The following RBFOX1 variants were observed in gnomAD, a reference collection of about 807,000 sequenced individuals.
The protein encoded by RBFOX1 is RNA binding fox-1 homolog 1.
RBFOX1 carries 8 observed loss-of-function variants against 57.7 expected under a neutral mutation model. The ratio of observed to expected loss-of-function variants is 0.14; its 90% CI spans 0.08 to 0.25. The LOEUF (loss-of-function observed/expected upper bound fraction) is 0.25. Ranked by LOEUF, RBFOX1 falls within the 10% of genes least tolerant of loss-of-function variation. The probability of loss-of-function intolerance (pLI) is 1.00; values close to 1 mark genes in which losing one functional copy is unlikely to be tolerated. For missense variants in RBFOX1, 611 were observed against 548.5 expected (o/e 1.11, Z -1.14); for synonymous variants, 326 against 222.4 (o/e 1.47, Z -4.15).
At chr16:6,811,719 A>T (rs1448520732) in intron 3 of RBFOX1, among the ~76,000 whole-genome samples, 2 of 152,054 alleles carry the variant, frequency 1.3e-5, no homozygotes, top group South Asian at 2.1e-4. Flanking sequence ...GTGAAATCCC[A>T]TCTCTTCAAA....
chr16:6,758,714 T>C (rs1421154447), intron 3 of RBFOX1, among the ~76,000 whole-genome samples: 1 of 152,204 alleles, frequency 6.6e-6, no homozygotes, highest in Non-Finnish European at 1.5e-5. Context: ...AAATACATTT[T>C]ACATTAAATG....
At chr16:7,014,061 T>C (rs551932684) in intron 3 of RBFOX1, among the ~76,000 whole-genome samples, 127 of 152,328 alleles carry the variant, frequency 8.3e-4, no homozygotes, top group Non-Finnish European at 1.7e-3. Context: ...ATTCACTCAG[T>C]ATATTAAAAA....
chr16:5,540,686 G>A (rs989931714), intron 2 of RBFOX1, among the ~76,000 whole-genome samples: 1 of 152,064 alleles, frequency 6.6e-6, no homozygotes, highest in Admixed American at 6.6e-5. Flanking sequence ...CGAATCTCTG[G>A]CACTGACATC....
intron 4 of RBFOX1, chr16:7,510,411 C>G (rs1004143423): frequency 2.2e-6 from 2 of 903,540 alleles, no homozygotes; most frequent in Non-Finnish European, 2.6e-6. Context: ...GTCGGTGACA[C>G]GTAGCTTGCT....
In RBFOX1 at chr16:6,899,025, G is replaced by A. The variant is rs1056036729; in HGVS notation, c.-15-153032G>A. ...CGTGTATGCATGCGCGTCTCTGTGTGTGTGTATAATGTGTGTATGCATGTG... is the reference window on the plus strand; with the variant it reads ...CGTGTATGCATGCGCGTCTCTGTGTATGTGTATAATGTGTGTATGCATGTG... On this transcript the variant is annotated intron_variant, in intron 3 of 15. Coordinates refer to ENST00000550418, the MANE Select transcript of RBFOX1 (RefSeq NM_018723.4). Among the ~76,000 whole-genome samples the A allele has an allele frequency of 8.8e-5, 12 of 135,998 alleles. No homozygotes were observed. The East Asian group carries it at 2.3e-3, about 26-fold the overall frequency. The allele number at this position is 135,998 out of a possible 152,430, so 89.2% of individuals were successfully genotyped here. A position where few individuals can be genotyped will look rare whatever the true frequency, so the allele number is the denominator to read the frequency against.
intron 2 of RBFOX1, among the ~76,000 whole-genome samples, chr16:6,548,809 C>T (rs1452859325): frequency 6.6e-6 from 1 of 152,016 alleles, no homozygotes; most frequent in African/African-American, 2.4e-5. Flanking sequence ...GGTGCAGTGG[C>T]TTGCGCCTGT....
intron 4 of RBFOX1, among the ~76,000 whole-genome samples, chr16:7,351,987 G>T (rs1202943729): frequency 1.3e-5 from 2 of 152,182 alleles, no homozygotes; most frequent in Non-Finnish European, 2.9e-5. Context: ...AGGAAGGAGG[G>T]GCTCCTGCAG....
At chr16:7,363,631 T>C (rs2097373880) in intron 4 of RBFOX1, among the ~76,000 whole-genome samples, 1 of 152,176 alleles carries the variant, frequency 6.6e-6, no homozygotes, top group Non-Finnish European at 1.5e-5. Flanking sequence ...TCACAGAACC[T>C]TTAAACACAC....
chr16:6,125,292 G>A (rs12934429), intron 1 of RBFOX1, among the ~76,000 whole-genome samples: 10,679 of 152,220 alleles, frequency 0.07, 632 homozygotes, highest in East Asian at 0.27. Context: ...GATGGAGGAG[G>A]ATAGAGATGG....
At chr16:7,429,798 C>T (rs1382574546) in intron 4 of RBFOX1, among the ~76,000 whole-genome samples, 1 of 152,194 alleles carries the variant, frequency 6.6e-6, no homozygotes, top group East Asian at 1.9e-4. Flanking sequence ...TATTATTTCC[C>T]TAACAGCAAA....
chr16:5,836,370 C>A (rs571400405), intron 3 of RBFOX1, among the ~76,000 whole-genome samples: 1 of 152,280 alleles, frequency 6.6e-6, no homozygotes, highest in South Asian at 2.1e-4. Flanking sequence ...GCAGAGTTTT[C>A]CTCTGCAAAC....
At chr16:6,732,078 C>A (rs561007300) in intron 3 of RBFOX1, among the ~76,000 whole-genome samples, 6 of 152,128 alleles carry the variant, frequency 3.9e-5, no homozygotes, top group African/African-American at 1.2e-4. Flanking sequence ...CCTCTTTTAA[C>A]CTTTCCTTCA....
chr16:6,509,173 G>A (rs962377924), intron 2 of RBFOX1, among the ~76,000 whole-genome samples: 1 of 152,156 alleles, frequency 6.6e-6, no homozygotes, highest in Non-Finnish European at 1.5e-5. Flanking sequence ...GGATCTTCCA[G>A]TAAAATCCCA....
At chr16:7,560,631 G>A (rs1245203571) in intron 5 of RBFOX1, among the ~76,000 whole-genome samples, 5 of 152,024 alleles carry the variant, frequency 3.3e-5, no homozygotes, top group South Asian at 2.1e-4. Flanking sequence ...AAGAGGGGGC[G>A]AGTGTCATCC....
chr16:7,072,948 G>A (rs751494311), intron 4 of RBFOX1, among the ~76,000 whole-genome samples: 22 of 152,352 alleles, frequency 1.4e-4, no homozygotes, highest in Non-Finnish European at 3.1e-4. Flanking sequence ...GTGGGAAGGA[G>A]AAGTCTCCAT....
At chr16:5,426,390 T>C (rs1567493145) in intron 1 of RBFOX1, among the ~76,000 whole-genome samples, 1 of 152,198 alleles carries the variant, frequency 6.6e-6, no homozygotes, top group South Asian at 2.1e-4. Context: ...AAGCATTAGA[T>C]AAAAGCACCA....
At chr16:6,113,020 T>G (rs1427037029) in intron 1 of RBFOX1, among the ~76,000 whole-genome samples, 2 of 152,146 alleles carry the variant, frequency 1.3e-5, no homozygotes, top group Non-Finnish European at 2.9e-5. Flanking sequence ...GCCACCATGG[T>G]TCTGTGTAAC....
chr16:7,386,382 C>T (rs900254724), intron 4 of RBFOX1, among the ~76,000 whole-genome samples: 2 of 148,706 alleles, frequency 1.3e-5, no homozygotes, highest in Admixed American at 6.8e-5. Context: ...TACCCCCCAG[C>T]CCCCACCCCC....
At chr16:6,385,878 G>A (rs1308646003) in intron 2 of RBFOX1, among the ~76,000 whole-genome samples, 1 of 152,056 alleles carries the variant, frequency 6.6e-6, no homozygotes, top group East Asian at 1.9e-4. Context: ...TCTTTGTATG[G>A]GACAGCTTCC....
Sources: gnomAD v4.1 joint callset for allele counts (sites outside exome capture counted in the v4.1 genomes callset) on GRCh38, gnomAD v4.1.1 for gene constraint, MANE v1.5 for transcripts, NCBI Gene and HGNC (gene_info 2026-07-23, HGNC 2026-07-21) for gene names.